GDAP1: variants seen among roughly 807,000 people sequenced by gnomAD.
GDAP1 encodes ganglioside induced differentiation associated protein 1, also known as ganglioside-induced differentiation-associated protein 1.
A neutral mutation model predicts 40.1 loss-of-function variants in GDAP1; 34 were observed. The ratio of observed to expected loss-of-function variants is 0.85; its 90% CI spans 0.64 to 1.13. The LOEUF (loss-of-function observed/expected upper bound fraction) is 1.13, where lower values mean the gene tolerates loss of function less well. Ranked by LOEUF, GDAP1 falls within the 50% of genes most tolerant of loss-of-function variation. The pLI, the probability that GDAP1 is intolerant of heterozygous loss-of-function variation, is 0.00. For synonymous variants in GDAP1, 170 were observed against 157.4 expected (o/e 1.08, Z -0.60); for missense variants, 374 against 433.7 (o/e 0.86, Z 1.22).
At chr8:74,406,460 C>T (rs1805642162) in intron 2 of GDAP1, among the ~76,000 whole-genome samples, 4 of 150,146 alleles carry the variant, frequency 2.7e-5, no homozygotes, top group Non-Finnish European at 2.9e-5. Flanking sequence ...TCTGTGATAC[C>T]AAGAAAATCT....
intron 2 of GDAP1, among the ~76,000 whole-genome samples, chr8:74,417,179 G>T (rs1805794054): frequency 6.7e-6 from 1 of 149,464 alleles, no homozygotes; most frequent in South Asian, 2.1e-4. Flanking sequence ...AATTGATGCA[G>T]AAAAGAAATT....
intron 2 of GDAP1, among the ~76,000 whole-genome samples, chr8:74,386,785 A>T (rs931092852): frequency 6.6e-6 from 1 of 152,130 alleles, no homozygotes; most frequent in Non-Finnish European, 1.5e-5. Flanking sequence ...CAGTATGGCC[A>T]TTTTCACAAT....
rs551018513 is a variant in GDAP1, at chr8:74,403,556, C to G, written c.165+52235C>G. On this transcript the variant is annotated intron_variant, in intron 2 of 2. Coordinates refer to the GDAP1 transcript ENST00000523640. ...GCCAAATATTTATAAGTTTTACACACTTAACGTTTTAGCTTTTGCTGGTGA... is the reference window on the plus strand; with the variant it reads ...GCCAAATATTTATAAGTTTTACACAGTTAACGTTTTAGCTTTTGCTGGTGA... Among the ~76,000 whole-genome samples, 3 of 150,336 alleles carry G rather than the reference C, an allele frequency of 2.0e-5. No homozygotes were observed. The East Asian group carries it at 5.8e-4, about 29-fold the overall frequency.
At chr8:74,374,184 T>C (rs527624263) in intron 2 of GDAP1, among the ~76,000 whole-genome samples, 73 of 152,338 alleles carry the variant, frequency 4.8e-4, no homozygotes, top group African/African-American at 1.7e-3. Flanking sequence ...GATTTTTACA[T>C]TGATGTTTAT....
intron 2 of GDAP1, among the ~76,000 whole-genome samples, chr8:74,418,294 A>G (rs1264402996): frequency 2.6e-5 from 4 of 152,198 alleles, no homozygotes; most frequent in African/African-American, 9.7e-5. Context: ...ACTTACCACA[A>G]AGCTACAGTA....
At chr8:74,486,033 G>T (rs1221967689) in intron 2 of GDAP1, among the ~76,000 whole-genome samples, 1 of 152,150 alleles carries the variant, frequency 6.6e-6, no homozygotes. Context: ...CTCCTTGAGA[G>T]AATTCCACTG....
intron 2 of GDAP1, among the ~76,000 whole-genome samples, chr8:74,379,284 G>A (rs924657450): frequency 1.3e-5 from 2 of 152,188 alleles, no homozygotes; most frequent in African/African-American, 2.4e-5. Flanking sequence ...CAATGATGTT[G>A]TAAAAGTGTC....
In GDAP1 at chr8:74,355,397, G is replaced by A. The variant is rs958702405; in HGVS notation, c.310+3931G>A. Among the ~76,000 whole-genome samples the A allele has an allele frequency of 2.6e-5, 4 of 152,182 alleles. No homozygotes were observed. The East Asian group carries it at 7.7e-4, about 29-fold the overall frequency. ...CTTCAAAGATAATTTCTTTCTATAA[G>A]TTTGCTGATAATTCCAAATCTGTCC... On this transcript the variant is annotated intron_variant, in intron 2 of 5. Coordinates refer to ENST00000220822, the MANE Select transcript of GDAP1 (RefSeq NM_018972.4).
At chr8:74,422,299 TTC>T (rs1554553819) in intron 2 of GDAP1, among the ~76,000 whole-genome samples, 1 of 38,650 alleles carries the variant, frequency 2.6e-5, no homozygotes, top group African/African-American at 1.5e-4. Context: ...CTTTCTTTCT[TTC>T]TTTCTTTCTT....
At chr8:74,448,319 T>C (rs1296876543) in intron 2 of GDAP1, among the ~76,000 whole-genome samples, 1 of 152,156 alleles carries the variant, frequency 6.6e-6, no homozygotes, top group Non-Finnish European at 1.5e-5. Context: ...GTTGTGTGTT[T>C]TAGTAGTTCA....
intron 2 of GDAP1, among the ~76,000 whole-genome samples, chr8:74,403,331 G>T (rs1307771249): frequency 6.7e-6 from 1 of 150,044 alleles, no homozygotes; most frequent in African/African-American, 2.5e-5. Context: ...AAATCTAAAA[G>T]GAGGAAATAG....
At chr8:74,405,978 A>G (rs991587827) in intron 2 of GDAP1, among the ~76,000 whole-genome samples, 8 of 150,142 alleles carry the variant, frequency 5.3e-5, no homozygotes, top group Admixed American at 5.3e-4. Flanking sequence ...AAGTTTCCAC[A>G]TGGGAGATTT....
At chr8:74,449,598 A>T (rs1481310030) in intron 2 of GDAP1, among the ~76,000 whole-genome samples, 1 of 151,854 alleles carries the variant, frequency 6.6e-6, no homozygotes, top group African/African-American at 2.4e-5. Flanking sequence ...ATTTTGTTAT[A>T]AATGTAATTG....
intron 2 of GDAP1, among the ~76,000 whole-genome samples, chr8:74,434,395 T>C (rs910810121): frequency 1.7e-4 from 26 of 152,326 alleles, no homozygotes; most frequent in Non-Finnish European, 2.6e-4. Context: ...CACTGAACTG[T>C]TCTCATGAAG....
rs756599629 is a variant in GDAP1 at position 74,350,499 on chromosome 8, C to T, written c.38C>T (p.Pro13Leu). 6.2e-7 allele frequency: 1 copy of T among 1,613,536 alleles called. No homozygotes were observed. Among genetic ancestry groups the T allele is most frequent in the South Asian group, 1.1e-5 (1 of 91,080 alleles). ...ERQEEQRGSPPLRAEGKADAE... is the reference protein window; with the variant it reads ...ERQEEQRGSPLLRAEGKADAE... ...CAGGAAGAGCAGAGAGGGAGCCCGCCCTTGAGGGCGGAAGGCAAGGCCGAC... is the reference window on the plus strand; with the variant it reads ...CAGGAAGAGCAGAGAGGGAGCCCGCTCTTGAGGGCGGAAGGCAAGGCCGAC... Residue 13 changes from proline (P) to leucine (L), a missense_variant, in exon 1 of 6, where the codon CCC becomes CTC. Coordinates refer to ENST00000220822, the MANE Select transcript of GDAP1 (RefSeq NM_018972.4).
Position 74,351,435 on chromosome 8 carries a change from CATTG to C in GDAP1, c.283_286del (p.Asp95IlefsTer14). 6.2e-7 allele frequency: 1 copy of C among 1,613,860 alleles called. No homozygotes were observed. ...ACATAATTTGTGAGGCCACTCAGAT[CATTG>C]ATTATCTTGAACAGACTTTCCTGGA... On this transcript the variant is annotated frameshift_variant, in exon 2 of 6. Transcript: ENST00000220822. LOFTEE classifies it high-confidence loss of function.
At chr8:74,368,398 G>A (rs1809695635), downstream of GDAP1, among the ~76,000 whole-genome samples, 1 of 152,116 alleles carries the variant, frequency 6.6e-6, no homozygotes, top group Non-Finnish European at 1.5e-5. Context: ...GGTTTTCAGA[G>A]AGCCTACATT....
At chr8:74,398,716 G>C (rs1364566850) in intron 2 of GDAP1, among the ~76,000 whole-genome samples, 1 of 151,976 alleles carries the variant, frequency 6.6e-6, no homozygotes, top group African/African-American at 2.4e-5. Context: ...ATTTTGAGAT[G>C]CGTCCCATCA....
At chr8:74,362,850 C>A in intron 4 of GDAP1, 89 bp from the exon 5 acceptor site, 3 of 514,118 alleles carry the variant, frequency 5.8e-6, no homozygotes, top group East Asian at 5.1e-5. Context: ...AGGCTGAACT[C>A]TGTAAGAGTT....
Sources: allele counts gnomAD v4.1 joint callset (sites outside exome capture counted in the v4.1 genomes callset), GRCh38; gene constraint gnomAD v4.1.1; transcripts MANE v1.5; gene names NCBI Gene and HGNC (gene_info 2026-07-23, HGNC 2026-07-21).